The following AFF3 variants were observed in gnomAD, a reference collection of about 807,000 sequenced individuals.
AFF3 encodes the protein ALF transcription elongation factor 3.
A neutral mutation model predicts 129.7 loss-of-function variants in AFF3; 32 were observed. The observed-to-expected ratio is 0.25, with a 90% CI of 0.19 to 0.33. The LOEUF (loss-of-function observed/expected upper bound fraction) is 0.33. Ranked by LOEUF, AFF3 falls within the 10% of genes least tolerant of loss-of-function variation. The pLI is 1.00. For synonymous variants in AFF3, 644 were observed against 635.4 expected (o/e 1.01, Z -0.20); for missense variants, 1,373 against 1,592.0 (o/e 0.86, Z 2.34).
intron 4 of AFF3, among the ~76,000 whole-genome samples, chr2:100,024,045 A>C (rs1168628878): frequency 6.7e-6 from 1 of 148,996 alleles, no homozygotes; most frequent in East Asian, 2.1e-4. Context: ...ATCCTGGCTA[A>C]CACGGTGAAA....
At chr2:99,581,587 C>T (rs1007552188) in intron 17 of AFF3, among the ~76,000 whole-genome samples, 13 of 151,544 alleles carry the variant, frequency 8.6e-5, no homozygotes, top group South Asian at 2.1e-4. Context: ...GGTGCAATCT[C>T]GGCTCACTGT....
chr2:99,711,139 A>T (rs1376556943), intron 11 of AFF3, among the ~76,000 whole-genome samples: 1 of 152,046 alleles, frequency 6.6e-6, no homozygotes, highest in Non-Finnish European at 1.5e-5. Context: ...CTTTTAGGGA[A>T]ATACCAGCCC....
At chr2:99,649,782 A>T in intron 12 of AFF3, 116 bp from the exon 13 acceptor site, 1 of 1,060,128 alleles carries the variant, frequency 9.4e-7, no homozygotes. Flanking sequence ...CATGTGGCCA[A>T]ATTTTAAACG....
At chr2:99,907,991 A>G (rs1473000805) in intron 7 of AFF3, among the ~76,000 whole-genome samples, 1 of 152,130 alleles carries the variant, frequency 6.6e-6, no homozygotes, top group Non-Finnish European at 1.5e-5. Flanking sequence ...CGTACAAATT[A>G]TCTGGTCTTT....
Position 99,638,626 on chromosome 2 carries a change from G to A in AFF3, c.1184+11000C>T, listed in dbSNP as rs1369675192. On this transcript the variant is annotated intron_variant, in intron 13 of 24. Coordinates refer to ENST00000672756, the MANE Select transcript of AFF3 (RefSeq NM_001386135.1). ...CTCCACTAGCAGAGAAGGAAAGGAC[G>A]CATGTCCAGGCTAAAACTCCAGCAC... Among the ~76,000 whole-genome samples, 4 of 152,260 alleles carry A rather than the reference G, an allele frequency of 2.6e-5. 1 individual carries two copies. The South Asian group carries it at 6.2e-4, about 24-fold the overall frequency.
chr2:99,906,965 G>A (rs1426060710), intron 7 of AFF3, among the ~76,000 whole-genome samples: 1 of 152,080 alleles, frequency 6.6e-6, no homozygotes, highest in African/African-American at 2.4e-5. Flanking sequence ...ACTGACGACT[G>A]AAGAGCTCTC....
chr2:99,812,707 T>A (rs988420603), intron 8 of AFF3, among the ~76,000 whole-genome samples: 3 of 152,262 alleles, frequency 2.0e-5, no homozygotes, highest in African/African-American at 4.8e-5. Context: ...GTTTACTTTC[T>A]GACTTGTATC....
rs141575570 is a variant in AFF3, at chr2:99,593,232, G to A, written c.2429C>T (p.Ala810Val). The change falls in exon 15 of 25, where the codon GCA becomes GTA. Residue 810 changes from alanine (A) to valine (V), a missense_variant. Physicochemically the swap from Ala to Val is moderately conservative, Grantham distance 64. Around this residue, in one of 9 missense-constraint regions of AFF3, gnomAD observed 466 missense variants for 505.0 expected, o/e 0.92. Coordinates refer to ENST00000672756, the MANE Select transcript of AFF3 (RefSeq NM_001386135.1). ...CTTGGATTTTGGCAAAGCCTTTTCT[G>A]CAGGTGTGTCCGAGGTGTGGCTGGG... ...APPSHTSDTP[A>V]EKALPKSKRK... 3.7e-5 allele frequency: 60 copies of A among 1,602,740 alleles called. No homozygotes were observed. The highest frequency in any genetic ancestry group is 4.9e-5 in the Non-Finnish European group (58 of 1,172,398).
Position 99,851,173 on chromosome 2 carries a change from A to G in AFF3, c.874-13649T>C, listed in dbSNP as rs999364908. The stretch of plus-strand genomic sequence containing the variant: ...TTTAGGCAGCATTTATTAGACATTT[A>G]ACCCTATCAGGCAGAGCCTTGCCTT... On this transcript the variant is annotated intron_variant, in intron 7 of 24. Transcript: ENST00000672756. Among the ~76,000 whole-genome samples the G allele has an allele frequency of 1.8e-3, 272 of 152,368 alleles. 1 individual carries two copies. The highest frequency in any genetic ancestry group is 6.3e-3 in the African/African-American group (264 of 41,584).
chr2:99,813,801 C>A (rs1429345264), intron 8 of AFF3, among the ~76,000 whole-genome samples: 1 of 152,134 alleles, frequency 6.6e-6, no homozygotes. Flanking sequence ...ATGGTAGCCA[C>A]TACAGTAGCA....
At chr2:100,011,487 A>C (rs1323974817) in intron 4 of AFF3, 2 of 780,862 alleles carry the variant, frequency 2.6e-6, no homozygotes, top group East Asian at 4.8e-5. Flanking sequence ...CCCCATGCCC[A>C]AAATAATACC....
chr2:99,921,483 C>CTGTACTACATTACTGAACA (rs1473385688), intron 7 of AFF3, among the ~76,000 whole-genome samples: 4 of 152,102 alleles, frequency 2.6e-5, no homozygotes, highest in Admixed American at 6.6e-5. Flanking sequence ...CTGTAGTTTA[C>CTGTACTACATTACTGAACA]TTAATCTACT....
chr2:100,051,190 C>A lies in AFF3; in HGVS notation c.54-42258G>T, dbSNP rs150400023. ...CCTGCCGGTTAGGGCAGACATCAAG[C>A]CCCTTTGTTTAAATGCGCACCCACT... On this transcript the variant is annotated intron_variant, in intron 4 of 24. Coordinates refer to ENST00000672756, the MANE Select transcript of AFF3 (RefSeq NM_001386135.1). Among the ~76,000 whole-genome samples the A allele has an allele frequency of 3.3e-5, 5 of 152,254 alleles. 1 individual carries two copies. The highest frequency in any genetic ancestry group is 1.2e-4 in the African/African-American group (5 of 41,560).
At chr2:99,599,192 T>A (rs1679575823) in intron 14 of AFF3, among the ~76,000 whole-genome samples, 1 of 152,236 alleles carries the variant, frequency 6.6e-6, no homozygotes, top group Admixed American at 6.5e-5. Context: ...CAAGTCTTTG[T>A]AATTATCTCA....
intron 8 of AFF3, among the ~76,000 whole-genome samples, chr2:99,823,973 G>A (rs1259773140): frequency 6.6e-6 from 1 of 152,054 alleles, no homozygotes; most frequent in African/African-American, 2.4e-5. Context: ...AAAAACCACC[G>A]ATCGGATATA....
intron 8 of AFF3, among the ~76,000 whole-genome samples, chr2:99,834,208 A>G (rs1178900591): frequency 6.6e-6 from 1 of 152,180 alleles, no homozygotes; most frequent in East Asian, 1.9e-4. Flanking sequence ...AAGTCAGTAC[A>G]ATGTTAAGAG....
At chr2:99,984,946 A>G (rs984755366) in intron 7 of AFF3, among the ~76,000 whole-genome samples, 6 of 152,208 alleles carry the variant, frequency 3.9e-5, no homozygotes, top group African/African-American at 1.2e-4. Flanking sequence ...CCCGTTCTGC[A>G]CTAGCAAGCC....
intron 11 of AFF3, among the ~76,000 whole-genome samples, chr2:99,679,448 C>T (rs776660129): frequency 2.0e-5 from 3 of 152,118 alleles, no homozygotes; most frequent in Admixed American, 6.5e-5. Context: ...CCCTGGGGGA[C>T]GGCATCTCAT....
At chr2:99,611,205 T>A (rs1371325662) in intron 13 of AFF3, among the ~76,000 whole-genome samples, 2 of 152,192 alleles carry the variant, frequency 1.3e-5, no homozygotes, top group Non-Finnish European at 2.9e-5. Flanking sequence ...TTTTCAGTTG[T>A]CTCAAGCTTG....
Sources: gnomAD v4.1 joint callset for allele counts (sites outside exome capture counted in the v4.1 genomes callset) on GRCh38, gnomAD v4.1.1 for gene constraint, gnomAD v4.1.1 regional missense constraint, MANE v1.5 for transcripts, NCBI Gene and HGNC (gene_info 2026-07-23, HGNC 2026-07-21) for gene names.